Variants in DNHD1 observed in about 807,000 individuals in gnomAD.
The protein encoded by DNHD1 is dynein heavy chain domain 1.
In DNHD1, 383 loss-of-function variants were observed where a neutral mutation model predicts 458.1. The observed-to-expected ratio is 0.84, with a 90% CI of 0.77 to 0.91. The LOEUF is 0.91. Ranked by LOEUF, DNHD1 falls within the 40% of genes least tolerant of loss-of-function variation. DNHD1 has a pLI of 0.00. For synonymous variants in DNHD1, 2,203 were observed against 2,376.9 expected (o/e 0.93, Z 2.13); for missense variants, 5,336 against 5,866.1 (o/e 0.91, Z 2.95).
At chr11:6,537,413 T>C (rs1249086209) in intron 14 of DNHD1, among the ~76,000 whole-genome samples, 1 of 152,184 alleles carries the variant, frequency 6.6e-6, no homozygotes, top group African/African-American at 2.4e-5. Context: ...ACACTAGGCT[T>C]GAGGTACATC....
chr11:6,513,042 A>G (rs1852378820), intron 7 of DNHD1, among the ~76,000 whole-genome samples: 2 of 152,150 alleles, frequency 1.3e-5, no homozygotes, highest in Admixed American at 1.3e-4. Context: ...AAAAGGAGGC[A>G]GTGGCCTTTA....
In DNHD1 at chr11:6,533,663, A is replaced by G. The variant is rs1329621726; in HGVS notation, c.2506-18A>G. The G allele has an allele frequency of 1.3e-6, 2 of 1,534,110 alleles. No homozygotes were observed. The highest frequency in any genetic ancestry group is 1.8e-6 in the Non-Finnish European group (2 of 1,136,554). ...ATGGGGTTGTGGGGCTGCCGGTCTC[A>G]TGCTGTAATTCCTGCAGTTGAATGA... On this transcript the variant is annotated intron_variant, in intron 13 of 42. Coordinates refer to ENST00000254579, the MANE Select transcript of DNHD1 (RefSeq NM_144666.3).
chr11:6,521,765 C>T (rs769085556), intron 10 of DNHD1, among the ~76,000 whole-genome samples: 11 of 152,162 alleles, frequency 7.2e-5, no homozygotes, highest in Non-Finnish European at 1.3e-4. Flanking sequence ...CAGGGTCTCA[C>T]TCTGTCATCC....
At chr11:6,549,526 C>T (rs1853292138) in intron 24 of DNHD1, among the ~76,000 whole-genome samples, 1 of 152,178 alleles carries the variant, frequency 6.6e-6, no homozygotes, top group Admixed American at 6.5e-5. Context: ...CTTAACAAGT[C>T]AGGCTTCCTC....
At position 6,544,573 on chromosome 11, in the gene DNHD1, G is replaced by A. The variant is rs1363938449; in HGVS notation, c.3755-1G>A. On this transcript the variant is annotated splice_acceptor_variant, in intron 19 of 42. Coordinates refer to ENST00000254579, the MANE Select transcript of DNHD1 (RefSeq NM_144666.3). LOFTEE classifies it high-confidence loss of function. ...CAGCATTCCTCTGGCTGCTTACACA[G>A]GTGCCCTGCTGGAGGTGTGGCTGAC... 1 of 1,550,984 alleles carries A rather than the reference G, an allele frequency of 6.4e-7. No individual in the cohort carries two copies. Among genetic ancestry groups the A allele is most frequent in the South Asian group, 1.2e-5 (1 of 84,020 alleles).
At chr11:6,552,998 A>G (rs1853393503) in intron 24 of DNHD1, among the ~76,000 whole-genome samples, 1 of 152,252 alleles carries the variant, frequency 6.6e-6, no homozygotes, top group South Asian at 2.1e-4. Flanking sequence ...AAAAAAGTAC[A>G]ACTTATATAT....
chr11:6,566,807 T>C (rs1179429761), intron 35 of DNHD1, 42 bp downstream of exon 35: 12 of 1,600,630 alleles, frequency 7.5e-6, no homozygotes, highest in Non-Finnish European at 1.0e-5. Flanking sequence ...GAGCATTGGA[T>C]GGACCTGGGT....
At chr11:6,516,400 T>G (rs982580322) in intron 7 of DNHD1, among the ~76,000 whole-genome samples, 1 of 150,912 alleles carries the variant, frequency 6.6e-6, no homozygotes, top group Non-Finnish European at 1.5e-5. Context: ...AGGGTTCAAG[T>G]GATTCTCCTA....
At chr11:6,511,203 G>C in intron 6 of DNHD1, 70 bp from the exon 7 acceptor site, 1 of 1,571,516 alleles carries the variant, frequency 6.4e-7, no homozygotes, top group Non-Finnish European at 8.6e-7. Flanking sequence ...AAGCTAGGCT[G>C]AGAAGAGGTC....
chr11:6,498,328 G>T lies in DNHD1; in HGVS notation c.113G>T (p.Cys38Phe). 1 of 1,614,226 alleles carries T rather than the reference G, an allele frequency of 6.2e-7. No homozygotes were observed. The highest frequency in any genetic ancestry group is 1.1e-5 in the South Asian group (1 of 91,086). Residue 38 changes from cysteine to phenylalanine, a missense_variant, in exon 3 of 43, where the codon TGC becomes TTC. By Grantham distance (205) the Cys-to-Phe change is radical. This residue lies in a region of DNHD1 where 3,932 missense variants were observed against 4,365.6 expected (regional missense o/e 0.90). Coordinates refer to ENST00000254579, the MANE Select transcript of DNHD1 (RefSeq NM_144666.3). ...VLDSKEQPLA[C>F]QQKQRQFVKP... ...GACAGCAAAGAACAGCCCTTGGCCTGCCAGCAGAAACAGAGGCAGTTCGTG... is the reference window on the plus strand; with the variant it reads ...GACAGCAAAGAACAGCCCTTGGCCTTCCAGCAGAAACAGAGGCAGTTCGTG...
At chr11:6,569,254 C>T (rs1179428160) in intron 39 of DNHD1, among the ~76,000 whole-genome samples, 6 of 151,900 alleles carry the variant, frequency 3.9e-5, no homozygotes, top group East Asian at 3.9e-4. Context: ...GGAGGCGAGG[C>T]GGATGGATCA....
In DNHD1 at chr11:6,563,373, CT is replaced by C. The variant is rs767960894; in HGVS notation, c.9670-8del. On this transcript the variant is annotated splice_polypyrimidine_tract_variant and splice_region_variant and intron_variant, in intron 29 of 42. Transcript: ENST00000254579. ...GAGCTCACTTCAGAGGGTATCTCTC[CT>C]CATTTAGATGAGCAAGGCATTTCTG... is the stretch of plus-strand genomic sequence containing the variant. 16 of 1,551,616 alleles carry C rather than the reference CT, an allele frequency of 1.0e-5. No homozygotes were observed. Among genetic ancestry groups the C allele is most frequent in the Non-Finnish European group, 1.4e-5 (16 of 1,146,942 alleles).
Position 6,544,170 on chromosome 11 carries a change from C to G in DNHD1, c.3678C>G (p.Ser1226=). ...DSIQESLQVL[S]KILAIEKSGD... is the part of the protein sequence containing the mutation. ...TCCAGGAAAGTCTTCAGGTGTTGTC[C>G]AAGATCTTGGCCATCGAAAAGTCAG... is the stretch of plus-strand genomic sequence containing the variant. The change falls in exon 19 of 43, where the codon TCC becomes TCG. Residue 1226 remains serine (S), a synonymous_variant. Coordinates refer to ENST00000254579, the MANE Select transcript of DNHD1 (RefSeq NM_144666.3). 6.4e-7 allele frequency: 1 copy of G among 1,551,576 alleles called. No individual in the cohort carries two copies. Among genetic ancestry groups the G allele is most frequent in the Non-Finnish European group, 8.7e-7 (1 of 1,146,964 alleles).
In DNHD1 at chr11:6,545,875, T is replaced by C. The variant is rs1485404143; in HGVS notation, c.4936T>C (p.Ser1646Pro). The C allele has an allele frequency of 6.4e-7, 1 of 1,551,856 alleles. No individual in the cohort carries two copies. Among genetic ancestry groups the C allele is most frequent in the Non-Finnish European group, 8.7e-7 (1 of 1,147,022 alleles). ...ATGCTGGATAGATGTGCTAGGCAGGTCCTTCCTGTACAATTACGAGTATCT... is the reference window on the plus strand; with the variant it reads ...ATGCTGGATAGATGTGCTAGGCAGGCCCTTCCTGTACAATTACGAGTATCT... ...AACWIDVLGR[S>P]FLYNYEYLGP... The change falls in exon 21 of 43, where the codon TCC (serine) becomes CCC (proline). Residue 1646 changes from serine to proline, a missense_variant. By Grantham distance (74) the Ser-to-Pro change is moderately conservative. This residue lies in a region of DNHD1 where 3,932 missense variants were observed against 4,365.6 expected (regional missense o/e 0.90). Transcript: ENST00000254579. The surrounding 1 kb of genome is among the most constrained non-coding windows in gnomAD (Gnocchi z 4.9).
At chr11:6,528,407 GTGT>G (rs1852756896) in intron 10 of DNHD1, 112 bp from the exon 11 acceptor site, 9 of 630,468 alleles carry the variant, frequency 1.4e-5, no homozygotes, top group African/African-American at 4.7e-5. Flanking sequence ...GCGAATGGGT[GTGT>G]GTGTGTGTGT....
At position 6,557,077 on chromosome 11, in the gene DNHD1, G is replaced by A. The variant is rs776615045; in HGVS notation, c.7782G>A (p.Val2594=). 7 of 1,551,608 alleles carry A rather than the reference G, an allele frequency of 4.5e-6. No homozygotes were observed. In the South Asian group the frequency reaches 7.1e-5, roughly 16 times the overall value. ...HPHYHFSLHS[V]SHLLSSLQLL... ...ACTACCACTTCTCCCTACACTCTGT[G>A]AGCCACCTACTGAGCAGCCTGCAGC... Residue 2594 remains valine, a synonymous_variant, in exon 25 of 43, where the codon GTG becomes GTA. Transcript: ENST00000254579.
chr11:6,559,144 T>C (rs1329426513), intron 27 of DNHD1, 37 bp from the exon 28 acceptor site: 2 of 1,551,620 alleles, frequency 1.3e-6, no homozygotes, highest in East Asian at 4.9e-5. Flanking sequence ...CTCCTTCTGC[T>C]CCTTTGGGTT....
At chr11:6,560,789 C>A (rs1394307752) in intron 28 of DNHD1, among the ~76,000 whole-genome samples, 4 of 152,220 alleles carry the variant, frequency 2.6e-5, no homozygotes, top group Non-Finnish European at 5.9e-5. Flanking sequence ...AGGACTCATT[C>A]TGGGCCCCTC....
At chr11:6,520,601 G>T in intron 10 of DNHD1, 1 of 1,185,420 alleles carries the variant, frequency 8.4e-7, no homozygotes, top group Non-Finnish European at 1.1e-6. Context: ...TGCCATAATT[G>T]CATTTCATTT....
Sources: gnomAD v4.1 joint callset for allele counts (sites outside exome capture counted in the v4.1 genomes callset) on GRCh38, gnomAD v4.1.1 for gene constraint, gnomAD v4.1.1 regional missense constraint, Gnocchi (gnomAD v3.1) non-coding constraint, MANE v1.5 for transcripts, NCBI Gene and HGNC (gene_info 2026-07-23, HGNC 2026-07-21) for gene names.